Variants in KIAA0930 observed in about 807,000 individuals in gnomAD.
The protein encoded by KIAA0930 is KIAA0930.
A neutral mutation model predicts 43.9 loss-of-function variants in KIAA0930; 24 were observed. That is an observed-to-expected ratio of 0.55 (90% CI 0.40 to 0.77). The LOEUF is 0.77. Among genes scored for constraint, KIAA0930 ranks in the 30% least tolerant of loss-of-function variants. KIAA0930 has a pLI of 0.00. For missense variants in KIAA0930, 461 were observed against 574.2 expected (o/e 0.80, Z 2.02); for synonymous variants, 259 against 216.4 (o/e 1.20, Z -1.73).
At chr22:45,211,696 A>G (rs1328034236) in intron 2 of KIAA0930, among the ~76,000 whole-genome samples, 3 of 152,178 alleles carry the variant, frequency 2.0e-5, no homozygotes, top group Non-Finnish European at 2.9e-5. Context: ...TGTTTCCTCA[A>G]AGCTACGACG....
rs898373469 is a variant in KIAA0930, at chr22:45,240,876, C to G, written c.-173G>C. ...CGCCGCCACCACCCGCCAAACACAG[C>G]ACCGGCGAGCGCACCTCCGCGCCGC... On this transcript the variant is annotated 5_prime_UTR_variant, in exon 1 of 10. Transcript: ENST00000336156. 6.8e-6 allele frequency: 1 copy of G among 146,618 alleles called. No individual in the cohort carries two copies. Among genetic ancestry groups the G allele is most frequent in the African/African-American group, 2.5e-5 (1 of 40,612 alleles). The allele number at this position is 146,618 out of a possible 1,614,324, so 9.1% of individuals were successfully genotyped here.
At chr22:45,224,025 A>G (rs549935604) in intron 1 of KIAA0930, among the ~76,000 whole-genome samples, 15 of 152,362 alleles carry the variant, frequency 9.8e-5, no homozygotes, top group Non-Finnish European at 1.9e-4. Flanking sequence ...TGAAGGAGAA[A>G]GACTCAGTGT....
At chr22:45,217,940 C>T (rs987103429) in intron 1 of KIAA0930, among the ~76,000 whole-genome samples, 5 of 152,164 alleles carry the variant, frequency 3.3e-5, no homozygotes, top group Admixed American at 1.3e-4. Flanking sequence ...ACTCCAGGGA[C>T]TAGCAGGGGA....
At chr22:45,227,502 T>C (rs1395373378) in intron 1 of KIAA0930, among the ~76,000 whole-genome samples, 2 of 152,182 alleles carry the variant, frequency 1.3e-5, no homozygotes, top group African/African-American at 4.8e-5. Context: ...AGCGCCAGCC[T>C]CGAATCCAGG....
intron 1 of KIAA0930, among the ~76,000 whole-genome samples, chr22:45,222,968 T>A (rs2083776283): frequency 6.6e-6 from 1 of 152,210 alleles, no homozygotes; most frequent in African/African-American, 2.4e-5. Flanking sequence ...AGGGACTTTA[T>A]ATCCTGCAGT....
At chr22:45,239,392 A>T (rs575998879) in intron 1 of KIAA0930, among the ~76,000 whole-genome samples, 98 of 152,316 alleles carry the variant, frequency 6.4e-4, no homozygotes, top group African/African-American at 2.3e-3. Flanking sequence ...AAACCATTGA[A>T]ACCTTGTCAA....
chr22:45,209,231 G>T (rs1367826414), intron 2 of KIAA0930, among the ~76,000 whole-genome samples: 5 of 152,176 alleles, frequency 3.3e-5, no homozygotes, highest in Non-Finnish European at 7.4e-5. Context: ...GGGAGGGGGC[G>T]GGAAGTAGCC....
chr22:45,239,801 G>T (rs2083906143), intron 1 of KIAA0930, among the ~76,000 whole-genome samples: 1 of 152,192 alleles, frequency 6.6e-6, no homozygotes, highest in South Asian at 2.1e-4. Context: ...AATGTGGTAT[G>T]AAGTCATTCC....
At chr22:45,231,836 C>T (rs775351250) in intron 1 of KIAA0930, among the ~76,000 whole-genome samples, 4 of 152,030 alleles carry the variant, frequency 2.6e-5, no homozygotes, top group East Asian at 1.9e-4. Flanking sequence ...ACTAAAAATA[C>T]GAAAAATTAG....
chr22:45,216,714 C>T (rs2083734804), intron 1 of KIAA0930, among the ~76,000 whole-genome samples: 1 of 152,082 alleles, frequency 6.6e-6, no homozygotes, highest in Non-Finnish European at 1.5e-5. Flanking sequence ...CTCCAGACTC[C>T]TCTCTGTCCC....
rs2083545841 is a variant in KIAA0930 at position 45,197,284 on chromosome 22, C to T, written c.1175-68G>A. 3 of 1,413,464 alleles carry T rather than the reference C, an allele frequency of 2.1e-6. No homozygotes were observed. In the African/African-American group the frequency reaches 4.3e-5, roughly 20 times the overall value. The allele number at this position is 1,413,464 out of a possible 1,614,324, so 87.6% of individuals were successfully genotyped here. A position where few individuals can be genotyped will look rare whatever the true frequency, so the allele number is the denominator to read the frequency against. The stretch of plus-strand genomic sequence containing the variant: ...ACAGCGGTGAGTGCTATGGTCACGG[C>T]AGTGCCACTTCTGAAGGAAGCCCGC... On this transcript the variant is annotated intron_variant, in intron 9 of 9. Coordinates refer to ENST00000336156, the MANE Select transcript of KIAA0930 (RefSeq NM_001009880.2).
intron 1 of KIAA0930, among the ~76,000 whole-genome samples, chr22:45,216,590 T>C (rs911391425): frequency 1.1e-4 from 16 of 152,102 alleles, no homozygotes; most frequent in Non-Finnish European, 2.1e-4. Context: ...CTGCTGACTC[T>C]TTCTCCCACA....
chr22:45,199,553 G>A (rs895852345), intron 8 of KIAA0930, among the ~76,000 whole-genome samples: 6 of 152,214 alleles, frequency 3.9e-5, no homozygotes, highest in East Asian at 1.9e-4. Flanking sequence ...TCACCCATCC[G>A]CTTTCTTCCT....
At position 45,205,241 on chromosome 22, in the gene KIAA0930, G is replaced by A. The variant is rs143798717; in HGVS notation, c.492C>T (p.Phe164=). The A allele has an allele frequency of 3.9e-5, 63 of 1,614,130 alleles. No individual in the cohort carries two copies. In the African/African-American group the frequency reaches 7.9e-4, roughly 20 times the overall value. The stretch of plus-strand genomic sequence containing the variant: ...CCTCCTCGAAGCTGTCAATCATGAA[G>A]AAGATGTTGGGGTAGCTGATCTTGG... ...EESKISYPNI[F]FMIDSFEEVF... is the part of the protein sequence containing the mutation. Residue 164 remains phenylalanine, a synonymous_variant, in exon 5 of 10, where the codon TTC becomes TTT. Transcript: ENST00000336156.
chr22:45,219,648 A>T (rs1488218537), intron 1 of KIAA0930, among the ~76,000 whole-genome samples: 1 of 137,300 alleles, frequency 7.3e-6, no homozygotes, highest in Admixed American at 8.2e-5. Flanking sequence ...CTGGAATAAC[A>T]TCATGTGATC....
At chr22:45,227,945 G>A (rs2083813031) in intron 1 of KIAA0930, among the ~76,000 whole-genome samples, 2 of 152,104 alleles carry the variant, frequency 1.3e-5, no homozygotes, top group African/African-American at 4.8e-5. Flanking sequence ...CCTGGATCAG[G>A]AGAAACCTGG....
chr22:45,221,896 G>C (rs1351029078), intron 1 of KIAA0930, among the ~76,000 whole-genome samples: 1 of 152,156 alleles, frequency 6.6e-6, no homozygotes, highest in Non-Finnish European at 1.5e-5. Context: ...AACCACGCCA[G>C]GCTAATTTTT....
Position 45,193,384 on chromosome 22 carries a change from T to A in KIAA0930, c.*3792A>T, listed in dbSNP as rs919695877. The A allele has an allele frequency of 3.3e-5, 5 of 152,222 alleles. No homozygotes were observed. Among genetic ancestry groups the A allele is most frequent in the African/African-American group, 1.2e-4 (5 of 41,450 alleles). The allele number at this position is 152,222 out of a possible 1,614,324, so 9.4% of individuals were successfully genotyped here. On this transcript the variant is annotated 3_prime_UTR_variant, in exon 10 of 10. Coordinates refer to ENST00000336156, the MANE Select transcript of KIAA0930 (RefSeq NM_001009880.2). ...GACATGGTCCAGGCAGTCATTAGAATATACTGGCTGCACAGGGCCTTTCCT... is the reference window on the plus strand; with the variant it reads ...GACATGGTCCAGGCAGTCATTAGAAAATACTGGCTGCACAGGGCCTTTCCT...
intron 1 of KIAA0930, among the ~76,000 whole-genome samples, chr22:45,237,812 T>G (rs907878037): frequency 2.6e-5 from 4 of 152,088 alleles, no homozygotes; most frequent in African/African-American, 9.7e-5. Context: ...GTGTTCTGGC[T>G]CCTCTCAGGA....
Sources: gnomAD v4.1 joint callset for allele counts (sites outside exome capture counted in the v4.1 genomes callset) on GRCh38, gnomAD v4.1.1 for gene constraint, MANE v1.5 for transcripts, NCBI Gene and HGNC (gene_info 2026-07-23, HGNC 2026-07-21) for gene names.